Variants in DNAH11 observed in about 807,000 individuals in gnomAD.
DNAH11 encodes dynein axonemal heavy chain 11.
DNAH11 carries 442 observed loss-of-function variants against 526.0 expected under a neutral mutation model. The ratio of observed to expected loss-of-function variants is 0.84; its 90% CI spans 0.78 to 0.91. The LOEUF (loss-of-function observed/expected upper bound fraction) is 0.91. DNAH11 is among the 40% of genes least tolerant of loss of function. The pLI, the probability that DNAH11 is intolerant of heterozygous loss-of-function variation, is 0.00. For missense variants in DNAH11, 6,989 were observed against 5,448.7 expected (o/e 1.28, Z -8.90); for synonymous variants, 2,461 against 1,935.9 (o/e 1.27, Z -7.12).
chr7:21,851,708 C>G (rs1782646769), intron 66 of DNAH11: 1 of 468,774 alleles, frequency 2.1e-6, no homozygotes, highest in South Asian at 1.6e-5. Flanking sequence ...TCAAGCTCTA[C>G]TTGCATGTCA....
intron 66 of DNAH11, among the ~76,000 whole-genome samples, chr7:21,849,228 C>A (rs969866984): frequency 6.6e-6 from 1 of 152,182 alleles, no homozygotes; most frequent in Non-Finnish European, 1.5e-5. Flanking sequence ...ATTGGTAATG[C>A]AGTTATCTTT....
At chr7:21,733,887 C>T (rs1034698114) in intron 45 of DNAH11, among the ~76,000 whole-genome samples, 2 of 151,958 alleles carry the variant, frequency 1.3e-5, no homozygotes, top group Admixed American at 6.6e-5. Context: ...GAAATATATC[C>T]ACAGCTATAT....
chr7:21,576,846 AACTT>A (rs1308296458), intron 8 of DNAH11, among the ~76,000 whole-genome samples: 1 of 152,238 alleles, frequency 6.6e-6, no homozygotes, highest in African/African-American at 2.4e-5. Flanking sequence ...GAAAGATTGA[AACTT>A]ACTTTGGGGT....
rs150320047 is a variant in DNAH11 at position 21,822,447 on chromosome 7, A to G, written c.10691+4108A>G. Among the ~76,000 whole-genome samples, 6 of 152,326 alleles carry G rather than the reference A, an allele frequency of 3.9e-5. No homozygotes were observed. The South Asian group carries it at 1.2e-3, about 32-fold the overall frequency. On this transcript the variant is annotated intron_variant, in intron 65 of 81. Transcript: ENST00000409508. ...CCCCATGACCCAAACATTTCCCACC[A>G]GGCCCACCTCCAACATTGATGGTCA...
At chr7:21,738,634 G>A (rs899126307) in intron 46 of DNAH11, 67 bp from the exon 47 acceptor site, 9 of 1,458,814 alleles carry the variant, frequency 6.2e-6, no homozygotes, top group African/African-American at 4.4e-5. Context: ...TTAAGAACAA[G>A]AGAAAAATGA....
At chr7:21,725,366 T>C (rs1178342702) in intron 44 of DNAH11, among the ~76,000 whole-genome samples, 1 of 152,238 alleles carries the variant, frequency 6.6e-6, no homozygotes, top group Non-Finnish European at 1.5e-5. Flanking sequence ...AGAGCATTTA[T>C]GAAAATAACT....
chr7:21,670,419 A>C (rs938493951), intron 30 of DNAH11, among the ~76,000 whole-genome samples: 1 of 152,152 alleles, frequency 6.6e-6, no homozygotes. Context: ...TACATTTAGT[A>C]GTTTTTAAAT....
chr7:21,698,124 T>C lies in DNAH11; in HGVS notation c.6091T>C (p.Leu2031=), dbSNP rs1204780710. ...PDIELICEIL[L]VAEGFVDARA... is the part of the protein sequence containing the mutation. ...CATTGAGCTAATCTGTGAAATCTTG[T>C]TAGTTGCTGAAGGTTTTGTGGATGC... The change falls in exon 36 of 82, where the codon TTA becomes CTA. Residue 2031 remains leucine (L), a synonymous_variant. Transcript: ENST00000409508. The C allele has an allele frequency of 1.2e-6, 2 of 1,613,592 alleles. No individual in the cohort carries two copies. Among genetic ancestry groups the C allele is most frequent in the African/African-American group, 1.3e-5 (1 of 75,006 alleles).
At chr7:21,848,828 T>G (rs1466099330) in intron 66 of DNAH11, among the ~76,000 whole-genome samples, 1 of 152,210 alleles carries the variant, frequency 6.6e-6, no homozygotes. Flanking sequence ...TTAAAAATTT[T>G]TTTAGTGGTT....
At chr7:21,821,968 T>C (rs1212993284) in intron 65 of DNAH11, among the ~76,000 whole-genome samples, 1 of 151,946 alleles carries the variant, frequency 6.6e-6, no homozygotes, top group Non-Finnish European at 1.5e-5. Flanking sequence ...ATATTTTTCT[T>C]TCTGTGCCTG....
intron 35 of DNAH11, among the ~76,000 whole-genome samples, chr7:21,693,601 TA>T (rs1169336668): frequency 1.3e-5 from 2 of 152,270 alleles, no homozygotes; most frequent in African/African-American, 2.4e-5. Flanking sequence ...TAGAGATTTT[TA>T]TTGGAATCTT....
chr7:21,770,116 T>G (rs990428801), intron 55 of DNAH11, among the ~76,000 whole-genome samples: 1 of 152,194 alleles, frequency 6.6e-6, no homozygotes, highest in Non-Finnish European at 1.5e-5. Context: ...GCAACTGCTG[T>G]TGGTGCTACT....
chr7:21,868,104 C>CTT lies in DNAH11; in HGVS notation c.11839+112_11839+113dup, dbSNP rs55801704. 0.05 allele frequency: 34,980 copies of CTT among 693,818 alleles called. 62 individuals carry two copies. The highest frequency in any genetic ancestry group is 0.058 in the Non-Finnish European group (29,658 of 510,224). The allele number at this position is 693,818 out of a possible 1,614,324, so 43.0% of individuals were successfully genotyped here. ...TTTCAGTTCACAGTGATCTTAGTTTCTTTTTTTTTTTTTTTTAATTTGTTG... is the reference window on the plus strand; with the variant it reads ...TTTCAGTTCACAGTGATCTTAGTTTCTTTTTTTTTTTTTTTTTTAATTTGTTG... On this transcript the variant is annotated intron_variant, in intron 72 of 81. Coordinates refer to ENST00000409508, the MANE Select transcript of DNAH11 (RefSeq NM_001277115.2).
chr7:21,801,220 C>T lies in DNAH11; in HGVS notation c.10110C>T (p.Asn3370=), dbSNP rs746877733. Residue 3370 remains asparagine (N), a synonymous_variant, in exon 62 of 82, where the codon AAC becomes AAT. Coordinates refer to ENST00000409508, the MANE Select transcript of DNAH11 (RefSeq NM_001277115.2). ...AEKVRCQEEV[N]QTNKTIKLAN... ...AAGTCCGGTGTCAAGAAGAGGTGAA[C>T]CAAACCAACAAAACCATCAAATTAG... The T allele has an allele frequency of 3.7e-6, 6 of 1,613,798 alleles. No individual in the cohort carries two copies. In the Admixed American group the frequency reaches 1.0e-4, roughly 27 times the overall value.
Position 21,691,167 on chromosome 7 carries a change from A to ATT in DNAH11, c.6041+295_6041+296dup, listed in dbSNP as rs939874805. 4.1e-5 allele frequency among the ~76,000 whole-genome samples: 5 copies of ATT among 121,860 alleles called. No individual in the cohort carries two copies. In the Admixed American group the frequency reaches 4.1e-4, roughly 10 times the overall value. The allele number at this position is 121,860 out of a possible 152,430, so 79.9% of individuals were successfully genotyped here. A position where few individuals can be genotyped will look rare whatever the true frequency, so the allele number is the denominator to read the frequency against. On this transcript the variant is annotated intron_variant, in intron 35 of 81. Transcript: ENST00000409508. ...TTTATTATAAACATAATCTTTCATA[A>ATT]TTTTTTTTTTCTTTTTTTTTTTTTA...
intron 80 of DNAH11, 35 bp downstream of exon 80, chr7:21,899,483 C>T: frequency 2.0e-6 from 3 of 1,496,874 alleles, no homozygotes; most frequent in South Asian, 1.2e-5. Context: ...CTGATGCACA[C>T]AGGACCACAG....
At chr7:21,848,627 C>G (rs984938077) in intron 66 of DNAH11, among the ~76,000 whole-genome samples, 4 of 151,730 alleles carry the variant, frequency 2.6e-5, no homozygotes, top group Admixed American at 6.6e-5. Context: ...CTCACTCGCT[C>G]TCTCTCTCTG....
intron 56 of DNAH11, among the ~76,000 whole-genome samples, chr7:21,778,650 C>T (rs1787790426): frequency 6.6e-6 from 1 of 152,188 alleles, no homozygotes; most frequent in African/African-American, 2.4e-5. Flanking sequence ...GACCCAAAAG[C>T]AGACGTGGGT....
intron 74 of DNAH11, among the ~76,000 whole-genome samples, chr7:21,880,338 C>CT (rs1256253901): frequency 2.0e-5 from 3 of 152,136 alleles, no homozygotes; most frequent in Non-Finnish European, 4.4e-5. Context: ...TAATAGCATT[C>CT]TACTACAGTG....
Sources: gnomAD v4.1 joint callset for allele counts (sites outside exome capture counted in the v4.1 genomes callset) on GRCh38, gnomAD v4.1.1 for gene constraint, MANE v1.5 for transcripts, NCBI Gene and HGNC (gene_info 2026-07-23, HGNC 2026-07-21) for gene names.